CRY1: variants seen among roughly 807,000 people sequenced by gnomAD.
The protein encoded by CRY1 is cryptochrome circadian regulator 1, also known as cryptochrome-1.
Under a neutral mutation model 76.0 loss-of-function variants are expected in CRY1, and 45 were observed. The ratio of observed to expected loss-of-function variants is 0.59; its 90% CI spans 0.47 to 0.76. The LOEUF is 0.76. CRY1 is among the 30% of genes least tolerant of loss of function. The probability of loss-of-function intolerance (pLI) is 0.00; values close to 1 mark genes in which losing one functional copy is unlikely to be tolerated. For missense variants in CRY1, 587 were observed against 716.4 expected, an observed-to-expected ratio of 0.82 and a Z score of 2.06; for synonymous variants, 248 against 244.0, an observed-to-expected ratio of 1.02 and a Z score of -0.15.
At chr12:107,070,994 G>A (rs574347139) in intron 1 of CRY1, among the ~76,000 whole-genome samples, 92 of 151,722 alleles carry the variant, frequency 6.1e-4, no homozygotes, top group East Asian at 1.9e-3. Context: ...GTGAGCCACA[G>A]CGCCCGGCCT....
intron 12 of CRY1, 126 bp downstream of exon 12, chr12:106,992,661 C>T (rs1593488324): frequency 1.2e-6 from 1 of 862,934 alleles, no homozygotes; most frequent in Non-Finnish European, 1.8e-6. Flanking sequence ...GTAAAAATTG[C>T]TTAAAAATTA....
At position 107,006,638 on chromosome 12, in the gene CRY1, C is replaced by CGTTTTTTTTTT. The variant is rs71076707; in HGVS notation, c.268-1391_268-1390insAAAAAAAAAAC. ...CTTGCCAATAATATGTATTAGTAAT[C>CGTTTTTTTTTT]TTTTTTTTTTTTTTTTTTAGATGAC... On this transcript the variant is annotated intron_variant, in intron 2 of 12. Transcript: ENST00000008527. 1.5e-5 allele frequency among the ~76,000 whole-genome samples: 2 copies of CGTTTTTTTTTT among 137,106 alleles called. 1 individual carries two copies. The highest frequency in any genetic ancestry group is 3.1e-5 in the Non-Finnish European group (2 of 65,236). 89.9% of individuals were successfully genotyped at this position (137,106 alleles called of 152,430 possible).
intron 1 of CRY1, among the ~76,000 whole-genome samples, chr12:107,074,232 A>G (rs1953223544): frequency 6.6e-6 from 1 of 152,210 alleles, no homozygotes; most frequent in African/African-American, 2.4e-5. Context: ...TCAAAATTAG[A>G]ATCTGACCCC....
intron 1 of CRY1, among the ~76,000 whole-genome samples, chr12:107,033,085 T>C (rs929308870): frequency 3.9e-5 from 6 of 152,142 alleles, no homozygotes; most frequent in African/African-American, 1.4e-4. Context: ...GACATAATCT[T>C]AGATACTGCA....
chr12:106,997,041 G>T (rs1296822523), intron 10 of CRY1, among the ~76,000 whole-genome samples: 1 of 152,024 alleles, frequency 6.6e-6, no homozygotes. Flanking sequence ...CCTTAAAATT[G>T]CTCTCCTCAG....
At chr12:107,019,000 G>A (rs1952525274) in intron 2 of CRY1, among the ~76,000 whole-genome samples, 1 of 152,148 alleles carries the variant, frequency 6.6e-6, no homozygotes, top group Non-Finnish European at 1.5e-5. Context: ...ACTGTTACCA[G>A]GTCTAAACTA....
chr12:107,019,715 G>T (rs1188239139), intron 2 of CRY1, among the ~76,000 whole-genome samples: 2 of 152,012 alleles, frequency 1.3e-5, no homozygotes, highest in Non-Finnish European at 2.9e-5. Flanking sequence ...ATTGCCTGAG[G>T]CTAGAAGATT....
chr12:107,035,809 T>A (rs1041128788), intron 1 of CRY1, among the ~76,000 whole-genome samples: 5 of 152,152 alleles, frequency 3.3e-5, no homozygotes, highest in African/African-American at 1.2e-4. Context: ...TTATTAAACA[T>A]CTCCCTTTGA....
chr12:106,997,150 A>C lies in CRY1; in HGVS notation c.1585+144T>G, dbSNP rs554687237. The stretch of plus-strand genomic sequence containing the variant: ...GGAGTGAAGAGATGTGTCTGGGTGC[A>C]CATGTATGCATGCATACAAAGAATC... On this transcript the variant is annotated intron_variant, in intron 10 of 12. Coordinates refer to ENST00000008527, the MANE Select transcript of CRY1 (RefSeq NM_004075.5). 3 of 698,052 alleles carry C rather than the reference A, an allele frequency of 4.3e-6. No homozygotes were observed. The African/African-American group carries it at 5.3e-5, about 12-fold the overall frequency. The allele number at this position is 698,052 out of a possible 1,614,324, so 43.2% of individuals were successfully genotyped here.
chr12:107,000,641 G>C (rs967817343), intron 5 of CRY1, among the ~76,000 whole-genome samples: 9 of 147,128 alleles, frequency 6.1e-5, no homozygotes, highest in Non-Finnish European at 1.1e-4. Context: ...TGAGCCACCA[G>C]GCCTGGAAAA....
Position 107,000,019 on chromosome 12 carries a change from C to G in CRY1, c.748G>C (p.Gly250Arg). ...NANSLLASPT[G>R]LSPYLRFGCL... Reference sequence around the variant, plus strand: ...CCAAATCGGAGATAAGGACTAAGTCCAGTAGGGCTTGCAAGCAGAGAATTC... The same window carrying G: ...CCAAATCGGAGATAAGGACTAAGTCGAGTAGGGCTTGCAAGCAGAGAATTC... Residue 250 changes from glycine (G) to arginine (R), a missense_variant, in exon 6 of 13, where the codon GGA becomes CGA. By Grantham distance (125) the Gly-to-Arg change is moderately radical (BLOSUM62 -2). Transcript: ENST00000008527. 1 of 1,612,332 alleles carries G rather than the reference C, an allele frequency of 6.2e-7. No homozygotes were observed. Among genetic ancestry groups the G allele is most frequent in the South Asian group, 1.1e-5 (1 of 90,256 alleles).
intron 1 of CRY1, among the ~76,000 whole-genome samples, chr12:107,031,163 C>T (rs1952669874): frequency 6.6e-6 from 1 of 152,074 alleles, no homozygotes; most frequent in Non-Finnish European, 1.5e-5. Context: ...ACCGGGTTGT[C>T]CAAAAAGCAA....
chr12:107,057,693 T>C (rs891216219), intron 1 of CRY1, among the ~76,000 whole-genome samples: 3 of 152,088 alleles, frequency 2.0e-5, no homozygotes, highest in African/African-American at 7.2e-5. Flanking sequence ...ATCATGCCAC[T>C]GTACTCCAGC....
At chr12:107,036,244 A>G (rs1952732226) in intron 1 of CRY1, among the ~76,000 whole-genome samples, 1 of 152,246 alleles carries the variant, frequency 6.6e-6, no homozygotes, top group East Asian at 1.9e-4. Context: ...TAGCCCAGGT[A>G]CGAATGGTGA....
chr12:107,041,881 C>T (rs1952803735), intron 1 of CRY1, among the ~76,000 whole-genome samples: 1 of 152,034 alleles, frequency 6.6e-6, no homozygotes, highest in East Asian at 1.9e-4. Context: ...TATCGTCCCC[C>T]AATAAGAATA....
intron 1 of CRY1, among the ~76,000 whole-genome samples, chr12:107,028,801 T>C (rs912169585): frequency 1.3e-5 from 2 of 152,196 alleles, no homozygotes; most frequent in South Asian, 2.1e-4. Flanking sequence ...CCATGAGTGA[T>C]ATTGCCTTTG....
rs779805012 is a variant in CRY1, at chr12:107,001,839, C to T, written c.520G>A (p.Val174Met). ...EIPVETITSE[V>M]IEKCTTPLSD... ...AGAGGAGTTGTGCACTTTTCTATCA[C>T]TTCTGAAGTAATTGTCTCTACTGGT... Residue 174 changes from valine (V) to methionine (M), a missense_variant, in exon 4 of 13, where the codon GTG (valine) becomes ATG (methionine). Transcript: ENST00000008527. The T allele has an allele frequency of 3.8e-6, 6 of 1,593,840 alleles. No individual in the cohort carries two copies. The highest frequency in any genetic ancestry group is 3.4e-6 in the Non-Finnish European group (4 of 1,175,416).
chr12:107,059,117 T>A (rs972812963), intron 1 of CRY1, among the ~76,000 whole-genome samples: 1 of 152,212 alleles, frequency 6.6e-6, no homozygotes, highest in Non-Finnish European at 1.5e-5. Flanking sequence ...TGTATGTAAC[T>A]AAAACAAAAG....
chr12:107,090,505 G>A (rs970158026), intron 1 of CRY1, among the ~76,000 whole-genome samples: 2 of 152,186 alleles, frequency 1.3e-5, no homozygotes, highest in Non-Finnish European at 2.9e-5. Context: ...TAAACATTAA[G>A]AGTATTCAAG....
Sources: gnomAD v4.1 joint callset for allele counts (sites outside exome capture counted in the v4.1 genomes callset) on GRCh38, gnomAD v4.1.1 for gene constraint, MANE v1.5 for transcripts, NCBI Gene and HGNC (gene_info 2026-07-23, HGNC 2026-07-21) for gene names.